The following NEB variants were observed in gnomAD, a reference collection of about 807,000 sequenced individuals.
The protein encoded by NEB is nebulin.
NEB carries 512 observed loss-of-function variants against 952.2 expected under a neutral mutation model. That is an observed-to-expected ratio of 0.54 (90% CI 0.50 to 0.58). NEB has a LOEUF of 0.58. Among genes scored for constraint, NEB ranks in the 20% least tolerant of loss-of-function variants. The pLI, the probability that NEB is intolerant of heterozygous loss-of-function variation, is 0.00. For missense variants in NEB, 8,428 were observed against 9,231.1 expected (o/e 0.91, Z 3.56); for synonymous variants, 2,900 against 3,149.8 (o/e 0.92, Z 2.66).
In NEB at chr2:151,723,873, C is replaced by T. The variant is rs966639588; in HGVS notation, c.612+387G>A. Reference sequence around the variant, plus strand: ...ACATAGTTCAGGGCAATATAGGACACTTGCAAGAAGGGGCACAAAATAAAC... The same window carrying T: ...ACATAGTTCAGGGCAATATAGGACATTTGCAAGAAGGGGCACAAAATAAAC... On this transcript the variant is annotated intron_variant, in intron 8 of 181. Coordinates refer to ENST00000397345, the MANE Select transcript of NEB (RefSeq NM_001164508.2). 2.0e-5 allele frequency among the ~76,000 whole-genome samples: 3 copies of T among 150,052 alleles called. No individual in the cohort carries two copies. The Admixed American group carries it at 2.0e-4, about 10-fold the overall frequency.
Position 151,617,483 on chromosome 2 carries a change from AAAAAAGAG to A in NEB, c.11077-23_11077-16del. ...GTATATAAGCGCTACAAAAAAAAAAAAAAAAGAGAGAGAGAGAGAGAAAAATTATTTTG... is the reference window on the plus strand; with the variant it reads ...GTATATAAGCGCTACAAAAAAAAAAAAGAGAGAGAGAGAAAAATTATTTTG... On this transcript the variant is annotated splice_polypyrimidine_tract_variant and intron_variant, in intron 74 of 181. Coordinates refer to ENST00000397345, the MANE Select transcript of NEB (RefSeq NM_001164508.2). 7.0e-7 allele frequency: 1 copy of A among 1,420,406 alleles called. No homozygotes were observed. The highest frequency in any genetic ancestry group is 1.3e-5 in the South Asian group (1 of 74,696). The allele number at this position is 1,420,406 out of a possible 1,614,324, so 88.0% of individuals were successfully genotyped here.
intron 106 of NEB, 31 bp downstream of exon 106, chr2:151,576,120 A>G (rs2096821039): frequency 6.7e-7 from 1 of 1,493,236 alleles, no homozygotes; most frequent in East Asian, 2.3e-5. Context: ...TATGGCATTA[A>G]TTCAATTTTA....
In NEB at chr2:151,529,664, G is replaced by A. The variant is rs367914393; in HGVS notation, c.21631-350C>T. 2.6e-4 allele frequency among the ~76,000 whole-genome samples: 40 copies of A among 152,096 alleles called. No individual in the cohort carries two copies. The East Asian group carries it at 6.6e-3, about 25-fold the overall frequency. On this transcript the variant is annotated intron_variant, in intron 145 of 181. Coordinates refer to ENST00000397345, the MANE Select transcript of NEB (RefSeq NM_001164508.2). ...TCCTGCCTCAGCCTCCTGAGTACCT[G>A]GGACCACAGGCATGCGCCACCTCAC...
chr2:151,631,091 T>C, intron 66 of NEB, 52 bp downstream of exon 66: 1 of 1,601,374 alleles, frequency 6.2e-7, no homozygotes. Flanking sequence ...GTCATTAAAG[T>C]ATAATAACAT....
chr2:151,496,385 C>T lies in NEB; in HGVS notation c.24394-17G>A, dbSNP rs1381504743. 2 of 1,593,264 alleles carry T rather than the reference C, an allele frequency of 1.3e-6. No individual in the cohort carries two copies. Among genetic ancestry groups the T allele is most frequent in the Non-Finnish European group, 1.7e-6 (2 of 1,167,720 alleles). On this transcript the variant is annotated splice_polypyrimidine_tract_variant and intron_variant, in intron 172 of 181. Transcript: ENST00000397345. ...GTATAACACCTGTGCGATGAGAAAG[C>T]ATCCAGAAAAACAACCATGAGTAAC...
At chr2:151,516,995 C>T (rs2078075578) in intron 156 of NEB, among the ~76,000 whole-genome samples, 1 of 152,102 alleles carries the variant, frequency 6.6e-6, no homozygotes, top group Admixed American at 6.5e-5. Flanking sequence ...GAACTTTTAT[C>T]AGAGACCTGG....
At chr2:151,566,427 G>A (rs2153734059) in intron 114 of NEB, among the ~76,000 whole-genome samples, 1 of 152,298 alleles carries the variant, frequency 6.6e-6, no homozygotes, top group East Asian at 1.9e-4. Flanking sequence ...AGTGAGGTCA[G>A]ATGTTCAAGT....
chr2:151,676,957 T>A (rs1422123833), intron 34 of NEB, among the ~76,000 whole-genome samples: 1 of 152,222 alleles, frequency 6.6e-6, no homozygotes, highest in East Asian at 1.9e-4. Flanking sequence ...AACGAGTGAA[T>A]GCTTTTGATC....
At position 151,619,436 on chromosome 2, in the gene NEB, A is replaced by G; in HGVS notation, c.10872+15T>C. Reference sequence around the variant, plus strand: ...TCCGCTTTTAACATGCAGAGCTAACATCAAGGAAACTTACGTCACTCTGGA... The same window carrying G: ...TCCGCTTTTAACATGCAGAGCTAACGTCAAGGAAACTTACGTCACTCTGGA... On this transcript the variant is annotated intron_variant, in intron 73 of 181. Coordinates refer to ENST00000397345, the MANE Select transcript of NEB (RefSeq NM_001164508.2). 2.5e-6 allele frequency: 4 copies of G among 1,579,240 alleles called. No individual in the cohort carries two copies. Among genetic ancestry groups the G allele is most frequent in the Non-Finnish European group, 2.6e-6 (3 of 1,158,808 alleles).
rs554303939 is a variant in NEB at position 151,490,281 on chromosome 2, A to T, written c.25297+91T>A. ...TTAAAGGAAAGGATGAAAAATTTTTAAATTTGTTTTTGTACTCAAAGCATC... is the reference window on the plus strand; with the variant it reads ...TTAAAGGAAAGGATGAAAAATTTTTTAATTTGTTTTTGTACTCAAAGCATC... On this transcript the variant is annotated intron_variant, in intron 180 of 181. Transcript: ENST00000397345. The T allele has an allele frequency of 2.9e-5, 42 of 1,466,558 alleles. No homozygotes were observed. In the African/African-American group the frequency reaches 5.4e-4, roughly 19 times the overall value. The allele number at this position is 1,466,558 out of a possible 1,614,324, so 90.8% of individuals were successfully genotyped here.
chr2:151,721,704 G>T (rs760732128), intron 9 of NEB, among the ~76,000 whole-genome samples: 1 of 152,166 alleles, frequency 6.6e-6, no homozygotes, highest in African/African-American at 2.4e-5. Context: ...ATCCTGCCAG[G>T]TGTGCATGCA....
chr2:151,626,895 T>C, intron 70 of NEB, 107 bp downstream of exon 70: 2 of 1,345,488 alleles, frequency 1.5e-6, no homozygotes, highest in Non-Finnish European at 1.0e-6. Context: ...TCACTATACA[T>C]TGGATAGCAA....
At chr2:151,694,765 T>C (rs2099583743) in intron 18 of NEB, 136 bp from the exon 19 acceptor site, 1 of 691,498 alleles carries the variant, frequency 1.4e-6, no homozygotes, top group African/African-American at 1.8e-5. Flanking sequence ...AAATCATGCA[T>C]ATTTTAAATA....
chr2:151,621,970 T>G (rs1338856315), intron 71 of NEB, among the ~76,000 whole-genome samples: 1 of 152,138 alleles, frequency 6.6e-6, no homozygotes, highest in Non-Finnish European at 1.5e-5. Context: ...TGGGCAATAA[T>G]GAATTAAGTT....
Position 151,570,322 on chromosome 2 carries a change from T to C in NEB, c.17189A>G (p.Asn5730Ser), listed in dbSNP as rs1245122182. The C allele has an allele frequency of 1.9e-6, 3 of 1,608,086 alleles. No individual in the cohort carries two copies. The South Asian group carries it at 3.3e-5, about 18-fold the overall frequency. Residue 5730 changes from asparagine to serine, a missense_variant, in exon 109 of 182, where the codon AAC becomes AGC. Asn to Ser is a conservative substitution (Grantham distance 46, BLOSUM62 1). Around this residue, in one of 11 missense-constraint regions of NEB, gnomAD observed 3,374 missense variants for 3,651.5 expected, o/e 0.92. Transcript: ENST00000397345. Reference sequence around the variant, plus strand: ...AGCTATGAGGGCCCAGCGGATCTTGTTGTCATCCCTGGCTGTGAGGGTGCC... The same window carrying C: ...AGCTATGAGGGCCCAGCGGATCTTGCTGTCATCCCTGGCTGTGAGGGTGCC... ...YVGTLTARDD[N>S]KIRWALIADK... is the part of the protein sequence containing the mutation.
Position 151,537,328 on chromosome 2 carries a change from A to G in NEB, c.21103-92T>C, listed in dbSNP as rs187798139. 1,600 of 722,308 alleles carry G rather than the reference A, an allele frequency of 2.2e-3. 19 individuals are homozygous for G. The highest frequency in any genetic ancestry group is 8.1e-4 in the Non-Finnish European group (324 of 402,116). 44.7% of individuals were successfully genotyped at this position (722,308 alleles called of 1,614,324 possible). Reference sequence around the variant, plus strand: ...TACAAGTGGAACAAACAGAAGCACTACCCCTTGAGGTATATAAAATAATAA... The same window carrying G: ...TACAAGTGGAACAAACAGAAGCACTGCCCCTTGAGGTATATAAAATAATAA... On this transcript the variant is annotated intron_variant, in intron 140 of 181. Transcript: ENST00000397345.
rs147485418 is a variant in NEB at position 151,652,627 on chromosome 2, C to T, written c.6915+1365G>A. Among the ~76,000 whole-genome samples the T allele has an allele frequency of 2.5e-4, 38 of 152,062 alleles. No homozygotes were observed. In the East Asian group the frequency reaches 5.8e-3, roughly 23 times the overall value. On this transcript the variant is annotated intron_variant, in intron 52 of 181. Coordinates refer to ENST00000397345, the MANE Select transcript of NEB (RefSeq NM_001164508.2). ...ATTAAATGTCCTTTATGTTATCTTC[C>T]GACTCTAAATTCTATGATTCTAATT...
At position 151,655,545 on chromosome 2, in the gene NEB, A is replaced by T. The variant is rs181315930; in HGVS notation, c.6703-171T>A. ...AAAAACAAACTCAGATTTAAAAAAA[A>T]AATCTTTTAAGTATTTTCTATTTTC... On this transcript the variant is annotated intron_variant, in intron 50 of 181. Transcript: ENST00000397345. 2.6e-3 allele frequency among the ~76,000 whole-genome samples: 391 copies of T among 152,334 alleles called. 3 individuals are homozygous for T. The highest frequency in any genetic ancestry group is 8.6e-3 in the African/African-American group (359 of 41,590).
chr2:151,568,318 G>A lies in NEB; in HGVS notation c.17734C>T (p.Gln5912Ter). The A allele has an allele frequency of 6.2e-7, 1 of 1,613,030 alleles. No homozygotes were observed. The highest frequency in any genetic ancestry group is 8.5e-7 in the Non-Finnish European group (1 of 1,179,320). The change falls in exon 112 of 182, where the codon CAG becomes TAG. Residue 5912 changes from glutamine to a stop codon, truncating the protein, a stop_gained and splice_region_variant. Transcript: ENST00000397345. LOFTEE classifies it high-confidence loss of function. ...AGGCATGTGGGTGAAACCCATACCTGGTCCAGTATCCTAGCAGCCTCCTGG... is the reference window on the plus strand; with the variant it reads ...AGGCATGTGGGTGAAACCCATACCTAGTCCAGTATCCTAGCAGCCTCCTGG... ...TAQEAARILDQYLYKEGWERQ... is the reference protein window; with the variant it reads ...TAQEAARILD
Sources: allele counts gnomAD v4.1 joint callset (sites outside exome capture counted in the v4.1 genomes callset), GRCh38; gene constraint gnomAD v4.1.1; regional missense constraint gnomAD v4.1.1; transcripts MANE v1.5; gene names NCBI Gene and HGNC (gene_info 2026-07-23, HGNC 2026-07-21).